The following GALNT14 variants were observed in gnomAD, a reference collection of about 807,000 sequenced individuals.
GALNT14 encodes the protein UDP-GalNAc:polypeptide N-acetylgalactosaminyltransferase 14.
A neutral mutation model predicts 77.5 loss-of-function variants in GALNT14; 60 were observed. That is an observed-to-expected ratio of 0.77 (90% CI 0.63 to 0.96). The LOEUF is 0.96. Among genes scored for constraint, GALNT14 ranks in the 40% least tolerant of loss-of-function variants. The pLI, the probability that GALNT14 is intolerant of heterozygous loss-of-function variation, is 0.00. For missense variants in GALNT14, 710 were observed against 731.0 expected (o/e 0.97, Z 0.33); for synonymous variants, 280 against 281.7 (o/e 0.99, Z 0.06).
intron 1 of GALNT14, among the ~76,000 whole-genome samples, chr2:31,093,845 C>G (rs563144600): frequency 2.6e-5 from 4 of 152,388 alleles, no homozygotes; most frequent in Admixed American, 1.3e-4. Flanking sequence ...GTGGAGCCGT[C>G]AGGCTCTTCC....
intron 1 of GALNT14, among the ~76,000 whole-genome samples, chr2:31,085,449 G>A (rs1001604441): frequency 6.6e-6 from 1 of 152,262 alleles, no homozygotes; most frequent in Non-Finnish European, 1.5e-5. Flanking sequence ...GACAACAAGG[G>A]AAGGTTAATC....
At chr2:31,036,788 C>T (rs779645842) in intron 1 of GALNT14, among the ~76,000 whole-genome samples, 3 of 152,150 alleles carry the variant, frequency 2.0e-5, no homozygotes, top group East Asian at 1.9e-4. Flanking sequence ...TCTTGGTTGA[C>T]AGTCTTTTTC....
intron 3 of GALNT14, among the ~76,000 whole-genome samples, chr2:30,965,904 G>T (rs1228985729): frequency 6.6e-6 from 1 of 152,112 alleles, no homozygotes; most frequent in Non-Finnish European, 1.5e-5. Flanking sequence ...TGCTCTAGAG[G>T]CAGCCTGGCA....
chr2:31,031,370 ATTAC>A (rs946883250), intron 1 of GALNT14, among the ~76,000 whole-genome samples: 2 of 152,188 alleles, frequency 1.3e-5, no homozygotes, highest in African/African-American at 4.8e-5. Flanking sequence ...CAGCTCTGAG[ATTAC>A]TGGACCATTA....
chr2:30,893,736 A>G, the GALNT14 span, among the ~76,000 whole-genome samples: 1 of 151,966 alleles, frequency 6.6e-6, no homozygotes, highest in African/African-American at 2.4e-5. Context: ...GGGGATTTCT[A>G]TATGTAAGCA....
intron 1 of GALNT14, chr2:31,065,260 C>T (rs4952047): frequency 0.06 from 9,120 of 152,128 alleles, 499 homozygotes; most frequent in East Asian, 0.22. Flanking sequence ...ACACTCTTGC[C>T]TCAAGCCTCC....
intron 2 of GALNT14, among the ~76,000 whole-genome samples, chr2:30,973,855 A>G (rs1359937252): frequency 6.6e-6 from 1 of 152,194 alleles, no homozygotes; most frequent in Non-Finnish European, 1.5e-5. Context: ...AAAGACCCTT[A>G]ACATAACAGT....
intron 2 of GALNT14, among the ~76,000 whole-genome samples, chr2:30,985,015 T>A (rs529503802): frequency 2.0e-5 from 3 of 152,154 alleles, no homozygotes; most frequent in Admixed American, 1.3e-4. Context: ...ATTGGTCTCA[T>A]GTCCATTTCT....
chr2:31,081,984 G>C (rs1341766886), intron 1 of GALNT14, among the ~76,000 whole-genome samples: 2 of 152,136 alleles, frequency 1.3e-5, no homozygotes, highest in Non-Finnish European at 2.9e-5. Flanking sequence ...CTAGTTATAG[G>C]ACACTCAGAC....
At chr2:31,117,623 C>G (rs6729079) in intron 1 of GALNT14, among the ~76,000 whole-genome samples, 83,898 of 151,888 alleles carry the variant, frequency 0.55, 23,512 homozygotes, top group African/African-American at 0.61. Context: ...AATTAGAAGA[C>G]ACTACTATGT....
intron 13 of GALNT14, among the ~76,000 whole-genome samples, chr2:30,919,102 T>TA (rs1457684835): frequency 6.6e-6 from 1 of 152,174 alleles, no homozygotes; most frequent in African/African-American, 2.4e-5. Context: ...TTTTTCCCCT[T>TA]TCTTTAAATT....
intron 7 of GALNT14, 113 bp downstream of exon 7, chr2:30,945,670 C>T: frequency 1.2e-6 from 1 of 834,830 alleles, no homozygotes; most frequent in Non-Finnish European, 2.0e-6. Context: ...AGGTTGCAGG[C>T]TGAGCTTTCT....
chr2:30,910,095 G>C (rs1193640670), downstream of GALNT14, among the ~76,000 whole-genome samples: 1 of 150,740 alleles, frequency 6.6e-6, no homozygotes, highest in Non-Finnish European at 1.5e-5. Flanking sequence ...AGCAGTGGGA[G>C]ATATACCTAA....
Position 30,959,407 on chromosome 2 carries a change from G to A in GALNT14, c.399-943C>T, listed in dbSNP as rs547344215. On this transcript the variant is annotated intron_variant, in intron 3 of 14. Coordinates refer to ENST00000349752, the MANE Select transcript of GALNT14 (RefSeq NM_024572.4). ...AGCCTTGGTCCATAACTATTCCCTCGAGGGATATTTACTGAACACCTACTA... is the reference window on the plus strand; with the variant it reads ...AGCCTTGGTCCATAACTATTCCCTCAAGGGATATTTACTGAACACCTACTA... Among the ~76,000 whole-genome samples, 150 of 152,170 alleles carry A rather than the reference G, an allele frequency of 9.9e-4. 1 individual carries two copies. Among genetic ancestry groups the A allele is most frequent in the African/African-American group, 3.5e-3 (145 of 41,514 alleles).
intron 13 of GALNT14, among the ~76,000 whole-genome samples, chr2:30,919,298 G>T (rs190211430): frequency 4.5e-4 from 68 of 152,284 alleles, no homozygotes; most frequent in African/African-American, 1.6e-3. Flanking sequence ...TACACACTCA[G>T]ATTAAATATT....
intron 1 of GALNT14, among the ~76,000 whole-genome samples, chr2:31,068,035 G>T (rs1322907245): frequency 6.6e-6 from 1 of 152,114 alleles, no homozygotes. Flanking sequence ...CCTTCCTCCT[G>T]CCTCAAGACA....
chr2:31,057,369 T>TATATATATATATATATATACACA (rs1426166900), intron 1 of GALNT14, among the ~76,000 whole-genome samples: 257 of 79,194 alleles, frequency 3.2e-3, no homozygotes, highest in African/African-American at 0.016. Flanking sequence ...TGTGTGTGTG[T>TATATATATATATATATATACACA]GTGTGTATAT....
At chr2:31,057,406 C>T (rs1674302211) in intron 1 of GALNT14, among the ~76,000 whole-genome samples, 1 of 129,378 alleles carries the variant, frequency 7.7e-6, no homozygotes, top group African/African-American at 2.9e-5. Flanking sequence ...ACAGCTGTTG[C>T]AGGTATATAT....
chr2:31,092,621 C>A (rs1237638374), intron 1 of GALNT14, among the ~76,000 whole-genome samples: 1 of 152,098 alleles, frequency 6.6e-6, no homozygotes, highest in Admixed American at 6.5e-5. Flanking sequence ...AGATAAGGCT[C>A]CCTCTCCATG....
Sources: allele counts gnomAD v4.1 joint callset (sites outside exome capture counted in the v4.1 genomes callset), GRCh38; gene constraint gnomAD v4.1.1; transcripts MANE v1.5; gene names NCBI Gene and HGNC (gene_info 2026-07-23, HGNC 2026-07-21).